The following CTNND2 variants were observed in gnomAD, a reference collection of about 807,000 sequenced individuals.
The protein encoded by CTNND2 is catenin delta 2.
Under a neutral mutation model 144.4 loss-of-function variants are expected in CTNND2, and 22 were observed. The observed-to-expected ratio is 0.15, with a 90% CI of 0.11 to 0.22. The LOEUF (loss-of-function observed/expected upper bound fraction) is 0.22. Ranked by LOEUF, CTNND2 falls within the 10% of genes least tolerant of loss-of-function variation. CTNND2 has a pLI of 1.00. For synonymous variants in CTNND2, 751 were observed against 695.6 expected (o/e 1.08, Z -1.25); for missense variants, 1,353 against 1,618.8 (o/e 0.84, Z 2.82).
chr5:11,873,255 C>T (rs1560952456), intron 1 of CTNND2, among the ~76,000 whole-genome samples: 1 of 152,166 alleles, frequency 6.6e-6, no homozygotes, highest in Non-Finnish European at 1.5e-5. Flanking sequence ...TGGCAGAGCA[C>T]ATTTATGCAC....
chr5:11,676,132 T>C (rs1191366310), intron 2 of CTNND2, among the ~76,000 whole-genome samples: 1 of 151,806 alleles, frequency 6.6e-6, no homozygotes, highest in Non-Finnish European at 1.5e-5. Flanking sequence ...CACACACACA[T>C]ATATAACATT....
At chr5:11,106,374 C>T (rs1047918367) in intron 14 of CTNND2, among the ~76,000 whole-genome samples, 6 of 152,194 alleles carry the variant, frequency 3.9e-5, no homozygotes, top group Non-Finnish European at 7.3e-5. Context: ...GTAGCTCCTC[C>T]TCATTCCAGT....
intron 1 of CTNND2, among the ~76,000 whole-genome samples, chr5:11,774,967 A>G (rs544845216): frequency 6.6e-6 from 1 of 152,154 alleles, no homozygotes; most frequent in African/African-American, 2.4e-5. Context: ...ATCCAATCCC[A>G]TCCTAGTTGT....
chr5:11,375,575 G>A (rs1280377621), intron 7 of CTNND2, among the ~76,000 whole-genome samples: 2 of 152,004 alleles, frequency 1.3e-5, no homozygotes, highest in Non-Finnish European at 2.9e-5. Flanking sequence ...TTAGTTATTG[G>A]GTTATGTATG....
intron 2 of CTNND2, among the ~76,000 whole-genome samples, chr5:11,573,504 A>C (rs1168194338): frequency 6.6e-6 from 1 of 152,170 alleles, no homozygotes; most frequent in Non-Finnish European, 1.5e-5. Flanking sequence ...ATGACAGGGT[A>C]ATAATTGGAA....
At chr5:11,471,277 CAAAGTCTAT>C (rs1053446925) in intron 3 of CTNND2, among the ~76,000 whole-genome samples, 17 of 151,942 alleles carry the variant, frequency 1.1e-4, no homozygotes, top group Admixed American at 1.1e-3. Context: ...GCACCTGGCC[CAAAGTCTAT>C]AATTTTAATG....
chr5:11,434,215 T>C (rs772793803), intron 3 of CTNND2, among the ~76,000 whole-genome samples: 54 of 152,132 alleles, frequency 3.5e-4, no homozygotes, highest in Non-Finnish European at 6.0e-4. Flanking sequence ...GAAAGAAGAC[T>C]TATACAAAAT....
intron 2 of CTNND2, among the ~76,000 whole-genome samples, chr5:11,641,730 G>GTGTA: frequency 2.5e-5 from 1 of 40,334 alleles, no homozygotes; most frequent in African/African-American, 7.2e-5. Context: ...ATATACGTGT[G>GTGTA]TGTATATACA....
chr5:11,198,816 G>A (rs9312759), intron 11 of CTNND2, among the ~76,000 whole-genome samples: 36,617 of 152,110 alleles, frequency 0.24, 4,632 homozygotes, highest in Middle Eastern at 0.32. Context: ...TGGCTAACAC[G>A]GACTGTGTTT....
At chr5:11,103,223 C>G (rs1024717375) in intron 14 of CTNND2, among the ~76,000 whole-genome samples, 1 of 151,646 alleles carries the variant, frequency 6.6e-6, no homozygotes, top group Non-Finnish European at 1.5e-5. Context: ...CTCAAGTGAT[C>G]CACCCACCTC....
intron 2 of CTNND2, among the ~76,000 whole-genome samples, chr5:11,652,347 C>G (rs2126539878): frequency 6.6e-6 from 1 of 152,170 alleles, no homozygotes; most frequent in Non-Finnish European, 1.5e-5. Flanking sequence ...AGCCATACTT[C>G]TTGTACAGCC....
At chr5:11,845,858 C>T (rs1353570099) in intron 1 of CTNND2, among the ~76,000 whole-genome samples, 1 of 152,094 alleles carries the variant, frequency 6.6e-6, no homozygotes, top group African/African-American at 2.4e-5. Context: ...ATGTTTGAGT[C>T]TGTGATAAAT....
intron 2 of CTNND2, among the ~76,000 whole-genome samples, chr5:11,614,162 G>T (rs979566429): frequency 9.2e-5 from 14 of 152,202 alleles, no homozygotes; most frequent in Non-Finnish European, 7.4e-5. Flanking sequence ...GTACAATTAT[G>T]CTTCTGGTTT....
chr5:11,641,203 T>C (rs981001989), intron 2 of CTNND2, among the ~76,000 whole-genome samples: 1 of 152,122 alleles, frequency 6.6e-6, no homozygotes, highest in Non-Finnish European at 1.5e-5. Flanking sequence ...GTGATTGAAC[T>C]GTTAAATTCA....
chr5:11,204,319 G>A (rs1360722315), intron 10 of CTNND2, among the ~76,000 whole-genome samples: 1 of 110,282 alleles, frequency 9.1e-6, no homozygotes, highest in Non-Finnish European at 2.2e-5. Flanking sequence ...CACCAGGGGA[G>A]AATAAAAATG....
intron 2 of CTNND2, among the ~76,000 whole-genome samples, chr5:11,628,612 G>C (rs79066380): frequency 3.9e-5 from 6 of 152,098 alleles, no homozygotes; most frequent in Non-Finnish European, 7.3e-5. Flanking sequence ...TCCCAAAGCC[G>C]TCTGGGAGTT....
At chr5:11,360,023 T>C (rs1226418804) in intron 8 of CTNND2, among the ~76,000 whole-genome samples, 3 of 152,174 alleles carry the variant, frequency 2.0e-5, no homozygotes, top group Non-Finnish European at 4.4e-5. Context: ...TCTAACATTA[T>C]GGCTAGGTAG....
intron 7 of CTNND2, among the ~76,000 whole-genome samples, chr5:11,365,092 A>G (rs999420484): frequency 5.3e-5 from 8 of 152,228 alleles, no homozygotes; most frequent in African/African-American, 1.7e-4. Context: ...ACCAAACATG[A>G]TCTCACTCTA....
chr5:11,682,023 G>T (rs1784440204), intron 2 of CTNND2, among the ~76,000 whole-genome samples: 1 of 152,206 alleles, frequency 6.6e-6, no homozygotes. Context: ...CTTCTGTGCA[G>T]GTAAGTGCCT....
Sources: allele counts gnomAD v4.1 joint callset (sites outside exome capture counted in the v4.1 genomes callset), GRCh38; gene constraint gnomAD v4.1.1; transcripts MANE v1.5; gene names NCBI Gene and HGNC (gene_info 2026-07-23, HGNC 2026-07-21).